Variants in KCNIP4 observed in about 807,000 individuals in gnomAD.
KCNIP4 encodes the protein potassium voltage-gated channel interacting protein 4, also known as Kv channel-interacting protein 4.
KCNIP4 carries 12 observed loss-of-function variants against 34.0 expected under a neutral mutation model. That is an observed-to-expected ratio of 0.35 (90% CI 0.23 to 0.57). KCNIP4 has a LOEUF of 0.57. KCNIP4 is among the 20% of genes least tolerant of loss of function. KCNIP4 has a pLI of 0.83. For synonymous variants in KCNIP4, 124 were observed against 102.2 expected (o/e 1.21, Z -1.29); for missense variants, 238 against 311.7 (o/e 0.76, Z 1.78).
chr4:21,401,513 G>A (rs541989430), intron 1 of KCNIP4, among the ~76,000 whole-genome samples: 1 of 152,258 alleles, frequency 6.6e-6, no homozygotes, highest in South Asian at 2.1e-4. Flanking sequence ...TGCCCATGTT[G>A]AATGTGAGTC....
chr4:21,394,460 T>C (rs1381833923), intron 1 of KCNIP4, among the ~76,000 whole-genome samples: 1 of 152,110 alleles, frequency 6.6e-6, no homozygotes, highest in Non-Finnish European at 1.5e-5. Flanking sequence ...AAACTAAACA[T>C]ATTTAAAAAT....
At chr4:21,122,939 G>A (rs1357793380) in intron 1 of KCNIP4, among the ~76,000 whole-genome samples, 5 of 152,100 alleles carry the variant, frequency 3.3e-5, no homozygotes, top group African/African-American at 4.8e-5. Flanking sequence ...GGCTGGGCAC[G>A]GTGGCTCATG....
intron 1 of KCNIP4, among the ~76,000 whole-genome samples, chr4:21,299,795 C>T (rs906679030): frequency 6.6e-6 from 1 of 152,130 alleles, no homozygotes; most frequent in East Asian, 1.9e-4. Context: ...CAGCACTTCC[C>T]CACTTCTGTC....
At chr4:21,886,818 C>CTCT (rs3053679) in intron 1 of KCNIP4, among the ~76,000 whole-genome samples, 147,575 of 152,124 alleles carry the variant, frequency 0.97, 71,656 homozygotes, top group East Asian at 0.99. Context: ...ATTACAAAAG[C>CTCT]TCTTCTTTTT....
intron 1 of KCNIP4, among the ~76,000 whole-genome samples, chr4:21,396,488 G>T (rs184944208): frequency 7.4e-6 from 1 of 135,186 alleles, no homozygotes; most frequent in Admixed American, 8.8e-5. Context: ...CCCGGGAGGC[G>T]GAGGTTGCAG....
At chr4:21,210,323 T>C (rs1016506024) in intron 1 of KCNIP4, among the ~76,000 whole-genome samples, 1 of 152,208 alleles carries the variant, frequency 6.6e-6, no homozygotes, top group Non-Finnish European at 1.5e-5. Flanking sequence ...TGGAACCCAG[T>C]GTTCTCATCT....
chr4:21,672,149 C>T (rs529344960), intron 1 of KCNIP4, among the ~76,000 whole-genome samples: 6 of 151,984 alleles, frequency 3.9e-5, no homozygotes, highest in Non-Finnish European at 7.4e-5. Flanking sequence ...GAGAGCTAGG[C>T]GAGGAATAGC....
intron 1 of KCNIP4, among the ~76,000 whole-genome samples, chr4:21,146,213 A>T (rs903120702): frequency 1.1e-4 from 16 of 152,216 alleles, no homozygotes; most frequent in Admixed American, 7.2e-4. Flanking sequence ...CTTGGCTAAC[A>T]CAGTGAAACC....
intron 3 of KCNIP4, among the ~76,000 whole-genome samples, chr4:20,786,587 A>G (rs1302882358): frequency 1.3e-5 from 2 of 152,190 alleles, no homozygotes; most frequent in African/African-American, 4.8e-5. Context: ...GAAAAAGAAG[A>G]AAATCATCAC....
intron 1 of KCNIP4, among the ~76,000 whole-genome samples, chr4:21,664,721 C>A (rs181795947): frequency 3.3e-5 from 5 of 152,198 alleles, no homozygotes; most frequent in Non-Finnish European, 1.5e-5. Flanking sequence ...AAATAACATT[C>A]TTAATATAAT....
At chr4:20,918,481 T>C (rs1248716255) in intron 1 of KCNIP4, among the ~76,000 whole-genome samples, 1 of 152,196 alleles carries the variant, frequency 6.6e-6, no homozygotes, top group Non-Finnish European at 1.5e-5. Flanking sequence ...AATACTTTTA[T>C]GGGCTTTTCA....
At chr4:21,538,223 A>G (rs2108992648) in intron 1 of KCNIP4, among the ~76,000 whole-genome samples, 1 of 152,154 alleles carries the variant, frequency 6.6e-6, no homozygotes, top group East Asian at 1.9e-4. Flanking sequence ...ATGTCCCACC[A>G]ACACCTTGAT....
intron 1 of KCNIP4, among the ~76,000 whole-genome samples, chr4:21,622,462 G>A (rs1386990346): frequency 6.6e-6 from 1 of 152,068 alleles, no homozygotes; most frequent in East Asian, 1.9e-4. Context: ...TTATTCCCCA[G>A]AGTATTTCAG....
chr4:20,846,854 G>A (rs12501882), intron 3 of KCNIP4, among the ~76,000 whole-genome samples: 5,498 of 152,190 alleles, frequency 0.036, 189 homozygotes, highest in East Asian at 0.087. Flanking sequence ...ATTACTTGAA[G>A]AGCTTTATAA....
At chr4:21,663,233 C>T (rs1748580238) in intron 1 of KCNIP4, among the ~76,000 whole-genome samples, 1 of 152,254 alleles carries the variant, frequency 6.6e-6, no homozygotes, top group Non-Finnish European at 1.5e-5. Context: ...GATGACATTA[C>T]TTAAATGTCA....
intron 1 of KCNIP4, among the ~76,000 whole-genome samples, chr4:21,565,030 T>C (rs1739749863): frequency 6.6e-6 from 1 of 152,150 alleles, no homozygotes; most frequent in African/African-American, 2.4e-5. Flanking sequence ...GGGGCTAATA[T>C]GCAAACCATA....
At chr4:21,540,307 A>C (rs1427224618) in intron 1 of KCNIP4, among the ~76,000 whole-genome samples, 2 of 152,178 alleles carry the variant, frequency 1.3e-5, no homozygotes, top group African/African-American at 4.8e-5. Context: ...TTTATAGTAT[A>C]CGGTCACACT....
rs550653280 is a variant in KCNIP4 at position 21,120,211 on chromosome 4, ACAAACAAAAG to A, written c.62-237512_62-237503del. Among the ~76,000 whole-genome samples the A allele has an allele frequency of 7.1e-3, 1,085 of 152,254 alleles. 20 individuals are homozygous for A. The highest frequency in any genetic ancestry group is 0.025 in the African/African-American group (1,027 of 41,540). The stretch of plus-strand genomic sequence containing the variant: ...TCCTTACGAAGAAACAAAAACAAAA[ACAAACAAAAG>A]CTGGGCCTGTATATTAGTTTTCTAG... On this transcript the variant is annotated intron_variant, in intron 1 of 8. Transcript: ENST00000382152.
At chr4:21,139,983 A>G (rs1751817907) in intron 1 of KCNIP4, among the ~76,000 whole-genome samples, 1 of 152,182 alleles carries the variant, frequency 6.6e-6, no homozygotes, top group Non-Finnish European at 1.5e-5. Context: ...TGGGCTATGT[A>G]TCAAGTCAAA....
Sources: allele counts gnomAD v4.1 joint callset (sites outside exome capture counted in the v4.1 genomes callset), GRCh38; gene constraint gnomAD v4.1.1; transcripts MANE v1.5; gene names NCBI Gene and HGNC (gene_info 2026-07-23, HGNC 2026-07-21).